PDE1C: variants seen among roughly 807,000 people sequenced by gnomAD.
PDE1C encodes the protein dual specificity calcium/calmodulin-dependent 3',5'-cyclic nucleotide phosphodiesterase 1C.
Under a neutral mutation model 93.1 loss-of-function variants are expected in PDE1C, and 62 were observed. The observed-to-expected ratio is 0.67, with a 90% CI of 0.54 to 0.82. The LOEUF is 0.82. Ranked by LOEUF, PDE1C falls within the 40% of genes least tolerant of loss-of-function variation. The pLI, the probability that PDE1C is intolerant of heterozygous loss-of-function variation, is 0.00. For synonymous variants in PDE1C, 325 were observed against 310.1 expected (o/e 1.05, Z -0.50); for missense variants, 742 against 884.6 (o/e 0.84, Z 2.04).
chr7:31,865,103 T>A (rs1225016285), intron 6 of PDE1C, 21 bp from the exon 7 acceptor site: 1 of 1,613,776 alleles, frequency 6.2e-7, no homozygotes, highest in East Asian at 2.2e-5. Flanking sequence ...GCAGTAAGGT[T>A]AATTAACTAG....
the PDE1C span, among the ~76,000 whole-genome samples, chr7:31,700,605 G>A: frequency 6.6e-6 from 1 of 152,176 alleles, no homozygotes; most frequent in Admixed American, 6.5e-5. Context: ...AGATGAAACA[G>A]CCTTCTATTG....
At chr7:32,225,654 T>G (rs781483121) in intron 1 of PDE1C, among the ~76,000 whole-genome samples, 8 of 152,144 alleles carry the variant, frequency 5.3e-5, no homozygotes, top group Non-Finnish European at 1.2e-4. Context: ...TTCCCTCGGC[T>G]CATCTTCATG....
chr7:31,786,913 CTATCTATCTATCTATCTAT>C (rs1784025304), intron 16 of PDE1C: 1 of 28,534 alleles, frequency 3.5e-5, no homozygotes, highest in Non-Finnish European at 8.3e-5. Context: ...ATCTATCTAT[CTATCTATCTATCTATCTAT>C]CTATCTATCT....
chr7:32,276,629 G>A (rs997324210), intron 1 of PDE1C, among the ~76,000 whole-genome samples: 3 of 152,062 alleles, frequency 2.0e-5, no homozygotes, highest in Non-Finnish European at 4.4e-5. Flanking sequence ...ACCCTGGCTC[G>A]CCACTTGTGA....
At chr7:32,380,288 A>C (rs1226633440) in intron 1 of PDE1C, among the ~76,000 whole-genome samples, 2 of 150,930 alleles carry the variant, frequency 1.3e-5, no homozygotes, top group African/African-American at 4.9e-5. Context: ...CCCAGGCTGG[A>C]GTGCAGTGGC....
intron 2 of PDE1C, among the ~76,000 whole-genome samples, chr7:32,002,383 C>G (rs1289406995): frequency 6.6e-6 from 1 of 152,098 alleles, no homozygotes; most frequent in Non-Finnish European, 1.5e-5. Context: ...TGATGGCTGA[C>G]AAGATATCAC....
chr7:32,112,347 C>T (rs1230664640), intron 3 of PDE1C, among the ~76,000 whole-genome samples: 7 of 151,952 alleles, frequency 4.6e-5, no homozygotes, highest in Admixed American at 6.6e-5. Flanking sequence ...ATTATGTGAA[C>T]GATAAATGAT....
In PDE1C at chr7:32,159,824, A is replaced by G. The variant is rs1042030315; in HGVS notation, c.308+9961T>C. Among the ~76,000 whole-genome samples the G allele has an allele frequency of 2.0e-5, 3 of 152,172 alleles. No homozygotes were observed. The East Asian group carries it at 5.8e-4, about 29-fold the overall frequency. ...CACCAAAGTGAACTCAGTGGCCAGT[A>G]GAGTTAGGTAAAGGGAGGCTGAGTT... is the stretch of plus-strand genomic sequence containing the variant. On this transcript the variant is annotated intron_variant, in intron 3 of 18. Coordinates refer to the PDE1C transcript ENST00000396193.
At chr7:31,687,623 G>A in the PDE1C span, among the ~76,000 whole-genome samples, 1 of 152,222 alleles carries the variant, frequency 6.6e-6, no homozygotes, top group African/African-American at 2.4e-5. Context: ...CAGAAAGTAT[G>A]CTTCTCAAAA....
intron 2 of PDE1C, among the ~76,000 whole-genome samples, chr7:31,923,593 AT>A (rs544535717): frequency 2.2e-4 from 34 of 152,274 alleles, no homozygotes; most frequent in African/African-American, 8.2e-4. Flanking sequence ...AATTGGAAAT[AT>A]TTTTTGTCAA....
intron 2 of PDE1C, among the ~76,000 whole-genome samples, chr7:31,895,070 T>A (rs749002155): frequency 6.6e-6 from 1 of 152,094 alleles, no homozygotes; most frequent in African/African-American, 2.4e-5. Context: ...AACAGCTGCA[T>A]CTGAGATAGA....
the PDE1C span, among the ~76,000 whole-genome samples, chr7:31,701,637 A>G: frequency 1.3e-5 from 2 of 152,208 alleles, no homozygotes; most frequent in South Asian, 4.1e-4. Flanking sequence ...AGCAAACTCT[A>G]TTGTTAAAGG....
downstream of PDE1C, among the ~76,000 whole-genome samples, chr7:31,747,780 T>A (rs2128588988): frequency 6.7e-6 from 1 of 150,308 alleles, no homozygotes; most frequent in South Asian, 2.1e-4. Flanking sequence ...ATGCACTGAG[T>A]CTGCCCCTGG....
intron 3 of PDE1C, among the ~76,000 whole-genome samples, chr7:32,136,764 C>G (rs1387854651): frequency 6.6e-6 from 1 of 151,692 alleles, no homozygotes. Context: ...ATTCTTTGCC[C>G]CCAGGATAAA....
intron 1 of PDE1C, among the ~76,000 whole-genome samples, chr7:32,339,488 G>C (rs1783703446): frequency 6.6e-6 from 1 of 152,166 alleles, no homozygotes; most frequent in Non-Finnish European, 1.5e-5. Flanking sequence ...AAAAAGGTTA[G>C]ATGATACATT....
chr7:31,900,658 T>C (rs1451721961), intron 2 of PDE1C, among the ~76,000 whole-genome samples: 1 of 151,768 alleles, frequency 6.6e-6, no homozygotes, highest in Non-Finnish European at 1.5e-5. Context: ...CATATTCATA[T>C]ATAGCAATAT....
chr7:31,890,623 A>C (rs1798502137), intron 2 of PDE1C, among the ~76,000 whole-genome samples: 1 of 152,230 alleles, frequency 6.6e-6, no homozygotes, highest in Admixed American at 6.5e-5. Flanking sequence ...AATCACAGGA[A>C]TTCTACCATA....
chr7:32,389,190 G>GTGTGTGTGTGTGTGT (rs3079660), intron 1 of PDE1C, among the ~76,000 whole-genome samples: 11 of 127,922 alleles, frequency 8.6e-5, no homozygotes, highest in African/African-American at 1.5e-4. Context: ...GTGTGTGTGT[G>GTGTGTGTGTGTGTGT]GTTTTTTTGG....
intron 2 of PDE1C, among the ~76,000 whole-genome samples, chr7:32,194,105 AG>A (rs1444820104): frequency 6.6e-6 from 1 of 151,882 alleles, no homozygotes; most frequent in Non-Finnish European, 1.5e-5. Context: ...TAGTAGAGAC[AG>A]GGTTTCACCA....
Sources: allele counts gnomAD v4.1 joint callset (sites outside exome capture counted in the v4.1 genomes callset), GRCh38; gene constraint gnomAD v4.1.1; transcripts MANE v1.5; gene names NCBI Gene and HGNC (gene_info 2026-07-23, HGNC 2026-07-21).